Variants in AGPAT4 observed in about 807,000 individuals in gnomAD.
AGPAT4 encodes 1-acylglycerol-3-phosphate O-acyltransferase 4.
A neutral mutation model predicts 48.0 loss-of-function variants in AGPAT4; 15 were observed. The ratio of observed to expected loss-of-function variants is 0.31; its 90% CI spans 0.21 to 0.48. The LOEUF (loss-of-function observed/expected upper bound fraction) is 0.48, where lower values mean the gene tolerates loss of function less well. Ranked by LOEUF, AGPAT4 falls within the 20% of genes least tolerant of loss-of-function variation. The pLI is 0.99. For synonymous variants in AGPAT4, 178 were observed against 198.7 expected, an observed-to-expected ratio of 0.90 and a Z score of 0.88; for missense variants, 314 against 482.5, an observed-to-expected ratio of 0.65 and a Z score of 3.27.
rs555435637 is a variant in AGPAT4, at chr6:161,272,175, C to T, written c.-90+1763G>A. 9.8e-5 allele frequency among the ~76,000 whole-genome samples: 15 copies of T among 152,300 alleles called. No homozygotes were observed. The highest frequency in any genetic ancestry group is 3.4e-4 in the African/African-American group (14 of 41,562). On this transcript the variant is annotated intron_variant, in intron 1 of 8. Transcript: ENST00000320285. The surrounding 1 kb of genome is among the most constrained non-coding windows in gnomAD (Gnocchi z 4.2). ...TGGATTTATAGCAGATTTGATAAGA[C>T]ATAGATGATAGCATATTTAGATAAG... is the stretch of plus-strand genomic sequence containing the variant.
chr6:161,250,978 C>T (rs984320401), intron 1 of AGPAT4, among the ~76,000 whole-genome samples: 6 of 152,116 alleles, frequency 3.9e-5, no homozygotes, highest in Non-Finnish European at 7.4e-5. Context: ...AATAACATCT[C>T]GCCTATTCCA....
chr6:161,240,270 A>G lies in AGPAT4; in HGVS notation c.-89-7968T>C, dbSNP rs1418169307. Among the ~76,000 whole-genome samples the G allele has an allele frequency of 6.7e-6, 1 of 149,448 alleles. No individual in the cohort carries two copies. Among genetic ancestry groups the G allele is most frequent in the Non-Finnish European group, 1.5e-5 (1 of 67,352 alleles). On this transcript the variant is annotated intron_variant, in intron 1 of 8. Transcript: ENST00000320285. The surrounding 1 kb of genome is among the most constrained non-coding windows in gnomAD (Gnocchi z 5.5). ...CACACACACACACACACACACACTT[A>G]AACAAGTCTGTCCACCTGGAAGCCT...
chr6:161,248,312 C>T (rs538203028), intron 1 of AGPAT4, among the ~76,000 whole-genome samples: 113 of 152,196 alleles, frequency 7.4e-4, no homozygotes, highest in South Asian at 6.8e-3. Flanking sequence ...CGGTGGCTCA[C>T]GCCTGTAATC....
rs554756502 is a variant in AGPAT4 at position 161,140,702 on chromosome 6, G to A, written c.844-1082C>T. On this transcript the variant is annotated intron_variant, in intron 7 of 8. Coordinates refer to ENST00000320285, the MANE Select transcript of AGPAT4 (RefSeq NM_020133.3). The surrounding 1 kb of genome is among the most constrained non-coding windows in gnomAD (Gnocchi z 6.5). ...AAGGAGCTGTGGCACCAGGATGCCCGCTGGCCCGTCTAAGGGCAGGTCCTG... is the reference window on the plus strand; with the variant it reads ...AAGGAGCTGTGGCACCAGGATGCCCACTGGCCCGTCTAAGGGCAGGTCCTG... Among the ~76,000 whole-genome samples, 19 of 152,312 alleles carry A rather than the reference G, an allele frequency of 1.2e-4. No individual in the cohort carries two copies. In the East Asian group the frequency reaches 2.5e-3, roughly 20 times the overall value.
intron 5 of AGPAT4, 147 bp downstream of exon 5, chr6:161,153,199 C>T: frequency 1.7e-6 from 2 of 1,176,076 alleles, no homozygotes; most frequent in Non-Finnish European, 2.3e-6. Flanking sequence ...TTCCCAGTCA[C>T]AGAGACTGGA....
Position 161,235,893 on chromosome 6 carries a change from C to T in AGPAT4, c.-89-3591G>A, listed in dbSNP as rs1011501030. Reference sequence around the variant, plus strand: ...CCAGTGCTGGGGATTACAAATTCAACGTGAGACTTGGGCAGGGACACAGAT... The same window carrying T: ...CCAGTGCTGGGGATTACAAATTCAATGTGAGACTTGGGCAGGGACACAGAT... On this transcript the variant is annotated intron_variant, in intron 1 of 8. Coordinates refer to ENST00000320285, the MANE Select transcript of AGPAT4 (RefSeq NM_020133.3). The surrounding 1 kb of genome is among the most constrained non-coding windows in gnomAD (Gnocchi z 6.2). 6.6e-5 allele frequency among the ~76,000 whole-genome samples: 10 copies of T among 152,160 alleles called. No individual in the cohort carries two copies. Among genetic ancestry groups the T allele is most frequent in the Admixed American group, 3.3e-4 (5 of 15,282 alleles).
rs979885713 is a variant in AGPAT4 at position 161,223,272 on chromosome 6, C to T, written c.178+8764G>A. On this transcript the variant is annotated intron_variant, in intron 2 of 8. Coordinates refer to ENST00000320285, the MANE Select transcript of AGPAT4 (RefSeq NM_020133.3). The surrounding 1 kb of genome is among the most constrained non-coding windows in gnomAD (Gnocchi z 6.3). ...CGTTTGTTAAAGAATGCCTGCTGGG[C>T]GGCGACAGGCATTCTGCAGCGAATT... Among the ~76,000 whole-genome samples the T allele has an allele frequency of 2.6e-5, 4 of 152,170 alleles. No homozygotes were observed. Among genetic ancestry groups the T allele is most frequent in the Non-Finnish European group, 4.4e-5 (3 of 68,030 alleles).
At position 161,272,914 on chromosome 6, in the gene AGPAT4, T is replaced by G. The variant is rs1424192931; in HGVS notation, c.-90+1024A>C. On this transcript the variant is annotated intron_variant, in intron 1 of 8. Coordinates refer to ENST00000320285, the MANE Select transcript of AGPAT4 (RefSeq NM_020133.3). The surrounding 1 kb of genome is among the most constrained non-coding windows in gnomAD (Gnocchi z 4.2). ...CACGAAAACGAAAAACGGAGAATCC[T>G]GCCCGGCAGTTAATTTGTTACTCAT... Among the ~76,000 whole-genome samples the G allele has an allele frequency of 6.6e-6, 1 of 152,252 alleles. No homozygotes were observed. Among genetic ancestry groups the G allele is most frequent in the Non-Finnish European group, 1.5e-5 (1 of 68,056 alleles).
rs1458943891 is a variant in AGPAT4, at chr6:161,158,894, C to G, written c.349-4584G>C. 6.6e-6 allele frequency among the ~76,000 whole-genome samples: 1 copy of G among 152,166 alleles called. No homozygotes were observed. The highest frequency in any genetic ancestry group is 1.5e-5 in the Non-Finnish European group (1 of 68,036). Reference sequence around the variant, plus strand: ...ACCCCCACTAACACCAGCAAGGAACCCCTCAGGGGCTGAGGCTCTATGGCC... The same window carrying G: ...ACCCCCACTAACACCAGCAAGGAACGCCTCAGGGGCTGAGGCTCTATGGCC... On this transcript the variant is annotated intron_variant, in intron 3 of 8. Coordinates refer to ENST00000320285, the MANE Select transcript of AGPAT4 (RefSeq NM_020133.3). The surrounding 1 kb of genome is among the most constrained non-coding windows in gnomAD (Gnocchi z 5.3).
intron 1 of AGPAT4, among the ~76,000 whole-genome samples, chr6:161,239,412 C>T (rs1782414180): frequency 6.6e-6 from 1 of 152,202 alleles, no homozygotes; most frequent in Non-Finnish European, 1.5e-5. Context: ...GCATGAACTT[C>T]AGTCATACTC....
Position 161,136,534 on chromosome 6 carries a change from C to T in AGPAT4, c.*6G>A, listed in dbSNP as rs969916238. 5.0e-6 allele frequency: 8 copies of T among 1,613,780 alleles called. No homozygotes were observed. In the African/African-American group the frequency reaches 1.1e-4, roughly 22 times the overall value. On this transcript the variant is annotated 3_prime_UTR_variant, in exon 9 of 9. Coordinates refer to ENST00000320285, the MANE Select transcript of AGPAT4 (RefSeq NM_020133.3). ...GGTTCCCTTCGGATGGTGACACCTC[C>T]CTGAGTCAGTCATTCAGTTTCTGCT...
At chr6:161,269,664 C>A (rs755578496) in intron 1 of AGPAT4, among the ~76,000 whole-genome samples, 66 of 152,170 alleles carry the variant, frequency 4.3e-4, no homozygotes, top group Non-Finnish European at 8.4e-4. Context: ...AAAAGTCATA[C>A]CCCCATGGTT....
rs576540828 is a variant in AGPAT4 at position 161,155,504 on chromosome 6, C to T, written c.349-1194G>A. On this transcript the variant is annotated intron_variant, in intron 3 of 8. Transcript: ENST00000320285. The surrounding 1 kb of genome is among the most constrained non-coding windows in gnomAD (Gnocchi z 5.8). ...AGCACAGGGTCAGTAAGCCGTGTCCCCCAACCTACTGGCAGAACAGAAAAA... is the reference window on the plus strand; with the variant it reads ...AGCACAGGGTCAGTAAGCCGTGTCCTCCAACCTACTGGCAGAACAGAAAAA... Among the ~76,000 whole-genome samples, 80 of 152,264 alleles carry T rather than the reference C, an allele frequency of 5.3e-4. 1 individual carries two copies. The highest frequency in any genetic ancestry group is 2.0e-3 in the Admixed American group (30 of 15,298).
intron 3 of AGPAT4, among the ~76,000 whole-genome samples, chr6:161,163,685 C>A (rs547912584): frequency 1.2e-4 from 19 of 152,296 alleles, no homozygotes; most frequent in Non-Finnish European, 2.5e-4. Flanking sequence ...TAGCTCCTTG[C>A]TTTGTGAGAA....
rs751784401 is a variant in AGPAT4, at chr6:161,200,100, G to A, written c.178+31936C>T. Among the ~76,000 whole-genome samples, 23 of 152,186 alleles carry A rather than the reference G, an allele frequency of 1.5e-4. No homozygotes were observed. Among genetic ancestry groups the A allele is most frequent in the Admixed American group, 2.6e-4 (4 of 15,284 alleles). The stretch of plus-strand genomic sequence containing the variant: ...TAAGGGCCTAACTCTGCATTGCGAC[G>A]AATGTGCACAGAAAGAGGAAGGAAG... On this transcript the variant is annotated intron_variant, in intron 2 of 8. Coordinates refer to ENST00000320285, the MANE Select transcript of AGPAT4 (RefSeq NM_020133.3). This position sits in a 1 kb window ranked among gnomAD's most constrained non-coding sequence, Gnocchi z 5.5.
intron 3 of AGPAT4, among the ~76,000 whole-genome samples, chr6:161,162,164 G>A (rs777924959): frequency 2.0e-5 from 3 of 152,212 alleles, no homozygotes; most frequent in Non-Finnish European, 4.4e-5. Context: ...TATTTACTAA[G>A]AGGGCAAGGG....
At position 161,243,215 on chromosome 6, in the gene AGPAT4, G is replaced by A. The variant is rs1407914731; in HGVS notation, c.-89-10913C>T. On this transcript the variant is annotated intron_variant, in intron 1 of 8. Transcript: ENST00000320285. This position sits in a 1 kb window ranked among gnomAD's most constrained non-coding sequence, Gnocchi z 4.8. ...ATACTAAGCCTGTGAGGGCTGGAAC[G>A]ACATGGGAGCTGGGGACAGTGAAGG... is the stretch of plus-strand genomic sequence containing the variant. Among the ~76,000 whole-genome samples, 9 of 152,116 alleles carry A rather than the reference G, an allele frequency of 5.9e-5. No homozygotes were observed. Among genetic ancestry groups the A allele is most frequent in the African/African-American group, 1.4e-4 (6 of 41,420 alleles).
intron 2 of AGPAT4, among the ~76,000 whole-genome samples, chr6:161,172,304 G>A (rs936542761): frequency 1.3e-5 from 2 of 152,272 alleles, no homozygotes; most frequent in Middle Eastern, 3.4e-3. Context: ...TGCCCTTTAG[G>A]GTGAGTGAAT....
rs1324647348 is a variant in AGPAT4 at position 161,161,250 on chromosome 6, C to A, written c.348+4998G>T. 2.2e-6 allele frequency: 1 copy of A among 456,692 alleles called. No homozygotes were observed. Among genetic ancestry groups the A allele is most frequent in the Admixed American group, 2.3e-5 (1 of 42,578 alleles). 28.3% of individuals were successfully genotyped at this position (456,692 alleles called of 1,614,324 possible). ...TGTCCAACGTGGGACCGGACTTTTA[C>A]AGATGAGCATGCGCTCCCACCTCCA... On this transcript the variant is annotated intron_variant, in intron 3 of 8. Coordinates refer to ENST00000320285, the MANE Select transcript of AGPAT4 (RefSeq NM_020133.3). The surrounding 1 kb of genome is among the most constrained non-coding windows in gnomAD (Gnocchi z 4.6).
Sources: allele counts gnomAD v4.1 joint callset (sites outside exome capture counted in the v4.1 genomes callset), GRCh38; gene constraint gnomAD v4.1.1; non-coding constraint Gnocchi (gnomAD v3.1); transcripts MANE v1.5; gene names NCBI Gene and HGNC (gene_info 2026-07-23, HGNC 2026-07-21).